Variants in KCNMB4 observed in about 807,000 individuals in gnomAD.
KCNMB4 encodes calcium-activated potassium channel subunit beta-4.
A neutral mutation model predicts 20.7 loss-of-function variants in KCNMB4; 3 were observed. The observed-to-expected ratio is 0.14, with a 90% CI of 0.07 to 0.37. KCNMB4 has a LOEUF of 0.37. Ranked by LOEUF, KCNMB4 falls within the 10% of genes least tolerant of loss-of-function variation. KCNMB4 has a pLI of 1.00. For missense variants in KCNMB4, 168 were observed against 265.9 expected, an observed-to-expected ratio of 0.63 and a Z score of 2.56; for synonymous variants, 110 against 113.4, an observed-to-expected ratio of 0.97 and a Z score of 0.19.
intron 1 of KCNMB4, among the ~76,000 whole-genome samples, chr12:70,367,759 T>C (rs1446359604): frequency 6.6e-6 from 1 of 151,840 alleles, no homozygotes; most frequent in African/African-American, 2.4e-5. Flanking sequence ...TCAGGAGTCG[T>C]CTGGAGAACA....
At chr12:70,386,087 T>TTTAC (rs1868254526) in intron 1 of KCNMB4, among the ~76,000 whole-genome samples, 1 of 152,150 alleles carries the variant, frequency 6.6e-6, no homozygotes, top group Admixed American at 6.5e-5. Context: ...TTCAAGAATA[T>TTTAC]TTACTTAAAA....
chr12:70,409,562 T>C (rs1593341353), intron 2 of KCNMB4, among the ~76,000 whole-genome samples: 1 of 152,174 alleles, frequency 6.6e-6, no homozygotes, highest in East Asian at 1.9e-4. Context: ...ACACGGTCCT[T>C]GCCTTCATGG....
chr12:70,385,016 T>C (rs750039986), intron 1 of KCNMB4, among the ~76,000 whole-genome samples: 3 of 152,050 alleles, frequency 2.0e-5, no homozygotes, highest in Non-Finnish European at 4.4e-5. Flanking sequence ...CTGAGGACTA[T>C]AGATGATATA....
chr12:70,384,957 A>G (rs1218236733), intron 1 of KCNMB4, among the ~76,000 whole-genome samples: 1 of 151,998 alleles, frequency 6.6e-6, no homozygotes, highest in Non-Finnish European at 1.5e-5. Flanking sequence ...TTAAAGGTGA[A>G]CATCTATAGG....
chr12:70,424,622 C>T (rs1354141758), intron 2 of KCNMB4, among the ~76,000 whole-genome samples: 2 of 151,372 alleles, frequency 1.3e-5, no homozygotes, highest in Admixed American at 6.6e-5. Context: ...TGGTGGCACA[C>T]GCCTGTAATC....
chr12:70,396,463 G>A (rs1380503628), intron 1 of KCNMB4, among the ~76,000 whole-genome samples: 2 of 152,020 alleles, frequency 1.3e-5, no homozygotes, highest in Non-Finnish European at 2.9e-5. Flanking sequence ...GTGCCACCAC[G>A]CCCTGCTAAT....
intron 2 of KCNMB4, among the ~76,000 whole-genome samples, chr12:70,412,635 G>A (rs972555986): frequency 6.6e-6 from 1 of 152,092 alleles, no homozygotes; most frequent in Non-Finnish European, 1.5e-5. Flanking sequence ...TGGCTTCTAA[G>A]TTTTTCTTTT....
intron 1 of KCNMB4, among the ~76,000 whole-genome samples, chr12:70,393,926 G>A (rs569349221): frequency 2.6e-5 from 4 of 152,188 alleles, no homozygotes; most frequent in African/African-American, 9.6e-5. Flanking sequence ...CACCTTCCCA[G>A]CCCATTCTCT....
In KCNMB4 at chr12:70,410,065, C is replaced by T. The variant is rs569760189; in HGVS notation, c.464+9729C>T. 1.4e-4 allele frequency among the ~76,000 whole-genome samples: 21 copies of T among 152,334 alleles called. No homozygotes were observed. In the East Asian group the frequency reaches 3.9e-3, roughly 28 times the overall value. On this transcript the variant is annotated intron_variant, in intron 2 of 2. Transcript: ENST00000258111. The stretch of plus-strand genomic sequence containing the variant: ...TTTGCTCCTGTCTCTTTCTCCTCAC[C>T]TGGGGACACCTTCACCTTTTTTACT...
intron 1 of KCNMB4, among the ~76,000 whole-genome samples, chr12:70,390,987 A>C (rs778091026): frequency 1.3e-5 from 2 of 152,148 alleles, no homozygotes; most frequent in Non-Finnish European, 2.9e-5. Flanking sequence ...CTGCTGGGAA[A>C]GGCTAGATTT....
chr12:70,433,218 T>C lies in KCNMB4; in HGVS notation c.*2565T>C, dbSNP rs1869414125. On this transcript the variant is annotated 3_prime_UTR_variant, in exon 3 of 3. Transcript: ENST00000258111. ...TACCTTCTTAATGTTTTCATTCTCT[T>C]TTTGTATAAATCAGAAAATGATCTA... 1 of 152,184 alleles carries C rather than the reference T, an allele frequency of 6.6e-6. No individual in the cohort carries two copies. The allele number at this position is 152,184 out of a possible 1,614,324, so 9.4% of individuals were successfully genotyped here.
intron 2 of KCNMB4, among the ~76,000 whole-genome samples, chr12:70,413,271 C>A (rs1317115629): frequency 6.6e-6 from 1 of 152,204 alleles, no homozygotes; most frequent in Non-Finnish European, 1.5e-5. Context: ...CTTGCAAATT[C>A]ATCTTCTAAC....
intron 1 of KCNMB4, among the ~76,000 whole-genome samples, chr12:70,371,069 C>T (rs1352234741): frequency 2.6e-5 from 4 of 151,966 alleles, no homozygotes; most frequent in Middle Eastern, 3.4e-3. Context: ...GTTGGCCAGG[C>T]GGGTCTCCAA....
chr12:70,398,239 C>G (rs1868374627), intron 1 of KCNMB4, among the ~76,000 whole-genome samples: 4 of 152,042 alleles, frequency 2.6e-5, no homozygotes, highest in Admixed American at 2.6e-4. Flanking sequence ...GTAGTCCTGC[C>G]TTCTGCTGGG....
At chr12:70,409,881 C>T (rs757333236) in intron 2 of KCNMB4, among the ~76,000 whole-genome samples, 1 of 152,164 alleles carries the variant, frequency 6.6e-6, no homozygotes, top group Non-Finnish European at 1.5e-5. Flanking sequence ...GAGAGTGGAG[C>T]AAGAACTATA....
At chr12:70,424,800 T>C (rs1405954975) in intron 2 of KCNMB4, among the ~76,000 whole-genome samples, 2 of 152,124 alleles carry the variant, frequency 1.3e-5, no homozygotes, top group African/African-American at 2.4e-5. Flanking sequence ...GTCTCTGTAG[T>C]CCCACTATAA....
At chr12:70,405,134 A>G (rs1371486951) in intron 2 of KCNMB4, among the ~76,000 whole-genome samples, 1 of 152,230 alleles carries the variant, frequency 6.6e-6, no homozygotes, top group African/African-American at 2.4e-5. Context: ...CTACTCATTC[A>G]AGAAGTTTGC....
intron 2 of KCNMB4, chr12:70,422,762 G>A (rs1869100556): frequency 7.8e-7 from 1 of 1,285,702 alleles, no homozygotes; most frequent in Non-Finnish European, 1.0e-6. Flanking sequence ...CTCCGGCAGG[G>A]GTTATCCTTA....
chr12:70,381,958 G>C (rs1883794476), intron 1 of KCNMB4, among the ~76,000 whole-genome samples: 1 of 152,064 alleles, frequency 6.6e-6, no homozygotes, highest in Admixed American at 6.5e-5. Context: ...CAAATAACTT[G>C]TAAAGCAATG....
Sources: allele counts gnomAD v4.1 joint callset (sites outside exome capture counted in the v4.1 genomes callset), GRCh38; gene constraint gnomAD v4.1.1; transcripts MANE v1.5; gene names NCBI Gene and HGNC (gene_info 2026-07-23, HGNC 2026-07-21).